Variants in ZNF280D observed in about 807,000 individuals in gnomAD.
The protein encoded by ZNF280D is zinc finger protein 280D, also known as suppressor of hairy wing homolog 4.
Under a neutral mutation model 94.7 loss-of-function variants are expected in ZNF280D, and 39 were observed. The ratio of observed to expected loss-of-function variants is 0.41; its 90% CI spans 0.32 to 0.54. The LOEUF is 0.54. Among genes scored for constraint, ZNF280D ranks in the 20% least tolerant of loss-of-function variants. The pLI is 0.22. For synonymous variants in ZNF280D, 398 were observed against 377.6 expected, an observed-to-expected ratio of 1.05 and a Z score of -0.63; for missense variants, 1,090 against 1,149.3, an observed-to-expected ratio of 0.95 and a Z score of 0.75.
At chr15:56,655,911 A>G (rs1183054262) in intron 17 of ZNF280D, among the ~76,000 whole-genome samples, 7 of 152,214 alleles carry the variant, frequency 4.6e-5, no homozygotes, top group Non-Finnish European at 1.0e-4. Flanking sequence ...TAAGTTGCCT[A>G]AAGTAATTTG....
intron 6 of ZNF280D, among the ~76,000 whole-genome samples, chr15:56,696,721 T>A (rs2141141484): frequency 6.6e-6 from 1 of 152,332 alleles, no homozygotes; most frequent in African/African-American, 2.4e-5. Context: ...GGATTCTCAA[T>A]TCATTCCAGA....
chr15:56,649,493 G>A (rs1210003020), intron 19 of ZNF280D, among the ~76,000 whole-genome samples: 2 of 151,982 alleles, frequency 1.3e-5, no homozygotes, highest in Non-Finnish European at 2.9e-5. Flanking sequence ...CCTAAAGATC[G>A]GTTTGAGATA....
In ZNF280D at chr15:56,654,181, A is replaced by T; in HGVS notation, c.2213+17T>A. The T allele has an allele frequency of 1.2e-6, 2 of 1,603,174 alleles. No individual in the cohort carries two copies. The highest frequency in any genetic ancestry group is 1.7e-6 in the Non-Finnish European group (2 of 1,177,206). On this transcript the variant is annotated intron_variant, in intron 19 of 21. Coordinates refer to ENST00000267807, the MANE Select transcript of ZNF280D (RefSeq NM_017661.4). ...AATCCATCAAAGTAAAATGCACTGA[A>T]TAAAAATTAAACTTACTCAGAAAGG...
intron 20 of ZNF280D, among the ~76,000 whole-genome samples, chr15:56,639,979 T>A (rs1338698654): frequency 6.6e-6 from 1 of 151,992 alleles, no homozygotes; most frequent in Non-Finnish European, 1.5e-5. Context: ...TTTTTATGTG[T>A]GTGAACACTG....
chr15:56,669,884 TATATTATATATATATATA>T lies in ZNF280D; in HGVS notation c.1411-945_1411-928del, dbSNP rs1566959613. ...TATATATATATATTTTATATATATA[TATATTATATATATATATA>T]ATATATATATATTATATATATATTA... On this transcript the variant is annotated intron_variant, in intron 13 of 21. Coordinates refer to ENST00000267807, the MANE Select transcript of ZNF280D (RefSeq NM_017661.4). 9.8e-3 allele frequency among the ~76,000 whole-genome samples: 73 copies of T among 7,462 alleles called. 13 individuals carry two copies. The highest frequency in any genetic ancestry group is 0.022 in the African/African-American group (73 of 3,292). The allele number at this position is 7,462 out of a possible 152,430, so 4.9% of individuals were successfully genotyped here.
chr15:56,666,604 A>G, intron 15 of ZNF280D, 69 bp from the exon 16 acceptor site: 1 of 1,519,702 alleles, frequency 6.6e-7, no homozygotes, highest in African/African-American at 1.4e-5. Flanking sequence ...GAGCCTTAAT[A>G]ATGTTCTCTT....
Position 56,667,002 on chromosome 15 carries a change from G to C in ZNF280D, c.1546-16C>G. 6.5e-7 allele frequency: 1 copy of C among 1,532,858 alleles called. No individual in the cohort carries two copies. The highest frequency in any genetic ancestry group is 8.8e-7 in the Non-Finnish European group (1 of 1,140,992). 95.0% of individuals were successfully genotyped at this position (1,532,858 alleles called of 1,614,324 possible). ...GAATAGTAACCTACAAAAATAAAGA[G>C]AAGATTTGCTTTAAGAGATTAATCA... is the stretch of plus-strand genomic sequence containing the variant. On this transcript the variant is annotated splice_polypyrimidine_tract_variant and intron_variant, in intron 14 of 21. Transcript: ENST00000267807.
intron 20 of ZNF280D, among the ~76,000 whole-genome samples, chr15:56,639,529 G>C (rs2052522797): frequency 6.6e-6 from 1 of 152,022 alleles, no homozygotes; most frequent in South Asian, 2.1e-4. Flanking sequence ...CAGTGACAGA[G>C]ATAATCACTA....
intron 4 of ZNF280D, among the ~76,000 whole-genome samples, chr15:56,702,527 C>T (rs1410485518): frequency 6.6e-6 from 1 of 152,030 alleles, no homozygotes; most frequent in Non-Finnish European, 1.5e-5. Flanking sequence ...GTGTTCTACC[C>T]GAATACCATG....
intron 6 of ZNF280D, among the ~76,000 whole-genome samples, chr15:56,697,586 A>G (rs1173357911): frequency 6.6e-6 from 1 of 152,222 alleles, no homozygotes; most frequent in African/African-American, 2.4e-5. Flanking sequence ...TATTTAAACA[A>G]TATACATTTT....
Position 56,698,712 on chromosome 15 carries a change from C to T in ZNF280D, c.381+2221G>A, listed in dbSNP as rs1447007962. On this transcript the variant is annotated intron_variant, in intron 6 of 21. Coordinates refer to ENST00000267807, the MANE Select transcript of ZNF280D (RefSeq NM_017661.4). ...GTGTACGTGATTATGTTACCTAAGA[C>T]TGTAAGGGCATCTTGCTAAGGACTC... 3 of 152,274 alleles carry T rather than the reference C, an allele frequency of 2.0e-5. No individual in the cohort carries two copies. In the East Asian group the frequency reaches 5.8e-4, roughly 29 times the overall value. 9.4% of individuals were successfully genotyped at this position (152,274 alleles called of 1,614,324 possible).
chr15:56,648,825 T>G (rs1002435988), intron 19 of ZNF280D, among the ~76,000 whole-genome samples: 2 of 152,214 alleles, frequency 1.3e-5, no homozygotes, highest in African/African-American at 4.8e-5. Flanking sequence ...CAGAATCTGC[T>G]TGAGAGTATA....
In ZNF280D at chr15:56,666,420, T is replaced by C. The variant is rs950318098; in HGVS notation, c.1969A>G (p.Lys657Glu). 1.2e-6 allele frequency: 2 copies of C among 1,608,460 alleles called. No homozygotes were observed. Among genetic ancestry groups the C allele is most frequent in the Admixed American group, 1.7e-5 (1 of 58,624 alleles). Residue 657 changes from lysine (K) to glutamate (E), a missense_variant, in exon 16 of 22, where the codon AAA becomes GAA. Around this residue, in one of 3 missense-constraint regions of ZNF280D, gnomAD observed 577 missense variants for 568.8 expected, o/e 1.01. Coordinates refer to ENST00000267807, the MANE Select transcript of ZNF280D (RefSeq NM_017661.4). ...SFCRYNTSCS[K>E]AYVNHMMSFH... ...CTCATCATATGATTTACATAGGCTTTGCTACAGCTAGTGTTGTATCTGCAA... is the reference window on the plus strand; with the variant it reads ...CTCATCATATGATTTACATAGGCTTCGCTACAGCTAGTGTTGTATCTGCAA...
Position 56,699,441 on chromosome 15 carries a change from AT to A in ZNF280D, c.381+1491del, listed in dbSNP as rs1299091635. On this transcript the variant is annotated intron_variant, in intron 6 of 21. Coordinates refer to ENST00000267807, the MANE Select transcript of ZNF280D (RefSeq NM_017661.4). ...TTTCAGCATCACTATACACATGTTC[AT>A]TTTTTGGTTTTAGATATTAATCTAT... The A allele has an allele frequency of 7.3e-6, 6 of 820,468 alleles. No individual in the cohort carries two copies. In the East Asian group the frequency reaches 6.2e-4, roughly 85 times the overall value. The allele number at this position is 820,468 out of a possible 1,614,324, so 50.8% of individuals were successfully genotyped here. A position where few individuals can be genotyped will look rare whatever the true frequency, so the allele number is the denominator to read the frequency against.
At chr15:56,664,995 G>C (rs1229000037) in intron 16 of ZNF280D, among the ~76,000 whole-genome samples, 1 of 151,988 alleles carries the variant, frequency 6.6e-6, no homozygotes, top group Non-Finnish European at 1.5e-5. Context: ...AATCCAAAAG[G>C]AATGAACAGT....
intron 21 of ZNF280D, among the ~76,000 whole-genome samples, chr15:56,634,323 T>TA (rs1233471651): frequency 1.3e-5 from 2 of 152,168 alleles, no homozygotes; most frequent in Non-Finnish European, 2.9e-5. Flanking sequence ...GTATAATTCT[T>TA]AGTTTTGTTC....
intron 1 of ZNF280D, among the ~76,000 whole-genome samples, chr15:56,727,289 G>A (rs954894943): frequency 2.0e-5 from 3 of 151,956 alleles, no homozygotes; most frequent in Admixed American, 1.3e-4. Flanking sequence ...GCAAAACCCC[G>A]TCTCTACTAA....
At chr15:56,665,267 A>G (rs1432050603) in intron 16 of ZNF280D, among the ~76,000 whole-genome samples, 1 of 152,204 alleles carries the variant, frequency 6.6e-6, no homozygotes, top group Non-Finnish European at 1.5e-5. Flanking sequence ...TAATACATTA[A>G]TTCTAATTTT....
At chr15:56,669,879 A>ATATTATATATATATATAT (rs2054580308) in intron 13 of ZNF280D, among the ~76,000 whole-genome samples, 1 of 10,248 alleles carries the variant, frequency 9.8e-5, no homozygotes, top group Admixed American at 2.3e-3. Context: ...TATTTTATAT[A>ATATTATATATATATATAT]TATATATATT....
Sources: allele counts gnomAD v4.1 joint callset (sites outside exome capture counted in the v4.1 genomes callset), GRCh38; gene constraint gnomAD v4.1.1; regional missense constraint gnomAD v4.1.1; transcripts MANE v1.5; gene names NCBI Gene and HGNC (gene_info 2026-07-23, HGNC 2026-07-21).